MAST3: variants seen among roughly 807,000 people sequenced by gnomAD.
MAST3 encodes microtubule associated serine/threonine kinase 3.
Under a neutral mutation model 127.0 loss-of-function variants are expected in MAST3, and 43 were observed. The ratio of observed to expected loss-of-function variants is 0.34; its 90% CI spans 0.27 to 0.44. MAST3 has a LOEUF of 0.44. MAST3 is among the 20% of genes least tolerant of loss of function. MAST3 has a pLI of 1.00. For missense variants in MAST3, 1,390 were observed against 1,919.1 expected (o/e 0.72, Z 5.15); for synonymous variants, 785 against 809.2 (o/e 0.97, Z 0.51).
Position 18,143,954 on chromosome 19 carries a change from C to T in MAST3, c.2531C>T (p.Pro844Leu). The T allele has an allele frequency of 1.2e-6, 2 of 1,605,386 alleles. No homozygotes were observed. Among genetic ancestry groups the T allele is most frequent in the Non-Finnish European group, 1.7e-6 (2 of 1,176,130 alleles). Residue 844 changes from proline (P) to leucine (L), a missense_variant, in exon 22 of 28, where the codon CCT (proline) becomes CTT (leucine). Transcript: ENST00000687212. Reference sequence around the variant, plus strand: ...AGGCCCGTCTTCATTCTAGGGGAGCCTGACCCCCCACCAGCGGCCACCCCA... The same window carrying T: ...AGGCCCGTCTTCATTCTAGGGGAGCTTGACCCCCCACCAGCGGCCACCCCA... ...PKRPVFILGE[P>L]DPPPAATPVM...
chr19:18,112,386 G>A lies in MAST3; in HGVS notation c.161+1645G>A, dbSNP rs1407480945. 6.6e-6 allele frequency among the ~76,000 whole-genome samples: 1 copy of A among 152,082 alleles called. No individual in the cohort carries two copies. Among genetic ancestry groups the A allele is most frequent in the African/African-American group, 2.4e-5 (1 of 41,404 alleles). On this transcript the variant is annotated intron_variant, in intron 3 of 27. Transcript: ENST00000687212. This position sits in a 1 kb window ranked among gnomAD's most constrained non-coding sequence, Gnocchi z 4.1. ...ATCTTGCTCTGTTGCCCAGGCTGGAGTCCAGTGGTACCATCTTGGCTCACT... is the reference window on the plus strand; with the variant it reads ...ATCTTGCTCTGTTGCCCAGGCTGGAATCCAGTGGTACCATCTTGGCTCACT...
intron 1 of MAST3, among the ~76,000 whole-genome samples, chr19:18,102,818 C>T (rs2037758817): frequency 6.6e-6 from 1 of 152,092 alleles, no homozygotes; most frequent in Non-Finnish European, 1.5e-5. Flanking sequence ...GCCTCAGCCT[C>T]CCAAAGTGCT....
Position 18,149,200 on chromosome 19 carries a change from C to T in MAST3, c.3518C>T (p.Ala1173Val), listed in dbSNP as rs2043338882. 3 of 1,525,156 alleles carry T rather than the reference C, an allele frequency of 2.0e-6. No homozygotes were observed. Among genetic ancestry groups the T allele is most frequent in the Non-Finnish European group, 2.6e-6 (3 of 1,138,712 alleles). The allele number at this position is 1,525,156 out of a possible 1,614,324, so 94.5% of individuals were successfully genotyped here. ...CGCTTATCACCCACAGATACCACTG[C>T]ATCCCCACCCAGCGCATCCCCGAGC... The part of the protein sequence containing the change: ...PAPDVPADTT[A>V]SPPSASPSSS... The change falls in exon 28 of 28, where the codon GCA becomes GTA. Residue 1173 changes from alanine (A) to valine (V), a missense_variant. Ala to Val is a moderately conservative substitution (Grantham distance 64). Transcript: ENST00000687212. This position sits in a 1 kb window ranked among gnomAD's most constrained non-coding sequence, Gnocchi z 5.9.
chr19:18,122,805 G>C (rs987631119), intron 6 of MAST3, 54 bp downstream of exon 6: 1 of 1,544,954 alleles, frequency 6.5e-7, no homozygotes, highest in South Asian at 1.2e-5. Context: ...GTTGTGGGGG[G>C]ACACATCTTT....
Position 18,139,078 on chromosome 19 carries a change from C to T in MAST3, c.2159C>T (p.Ser720Phe). Residue 720 changes from serine (S) to phenylalanine (F), a missense_variant, in exon 20 of 28, where the codon TCC becomes TTC. Ser to Phe is a radical substitution (Grantham distance 155, BLOSUM62 -2). Coordinates refer to ENST00000687212, the MANE Select transcript of MAST3 (RefSeq NM_001393504.1). ...EDDETNDEESSTEIPQFSSCS... is the reference protein window; with the variant it reads ...EDDETNDEESFTEIPQFSSCS... ...GACGAGACCAATGATGAAGAATCGT[C>T]CACAGAGATCCCCCAGTTCTCCTCC... The T allele has an allele frequency of 6.2e-7, 1 of 1,605,080 alleles. No individual in the cohort carries two copies. Among genetic ancestry groups the T allele is most frequent in the Non-Finnish European group, 8.5e-7 (1 of 1,175,986 alleles).
chr19:18,108,856 C>T (rs1325284026), intron 2 of MAST3, among the ~76,000 whole-genome samples: 1 of 152,140 alleles, frequency 6.6e-6, no homozygotes, highest in African/African-American at 2.4e-5. Context: ...GTGGGAATCA[C>T]TCAATGAACA....
intron 1 of MAST3, among the ~76,000 whole-genome samples, chr19:18,100,323 G>A (rs11667112): frequency 0.38 from 56,696 of 150,708 alleles, 11,020 homozygotes; most frequent in Admixed American, 0.43. Flanking sequence ...ACGGGGTTTC[G>A]CCATGTTGGC....
intron 1 of MAST3, among the ~76,000 whole-genome samples, chr19:18,104,693 C>T (rs2037930022): frequency 6.6e-6 from 1 of 152,010 alleles, no homozygotes; most frequent in Non-Finnish European, 1.5e-5. Context: ...AGTTTCCTGC[C>T]TCTCACTCCA....
At chr19:18,102,270 C>T (rs1029640914) in intron 1 of MAST3, among the ~76,000 whole-genome samples, 7 of 151,892 alleles carry the variant, frequency 4.6e-5, no homozygotes, top group African/African-American at 1.7e-4. Context: ...AACCTCTGCC[C>T]CCGAGTTCAA....
At position 18,097,875 on chromosome 19, in the gene MAST3, A is replaced by C. The variant is rs1479422107; in HGVS notation, c.39+44A>C. On this transcript the variant is annotated intron_variant, in intron 1 of 27. Coordinates refer to ENST00000687212, the MANE Select transcript of MAST3 (RefSeq NM_001393504.1). ...CGGGCGGAAGGCAGAGGGCGCGGCC[A>C]AGTGGACGCGGCCTGAAAGGTGCCG... The C allele has an allele frequency of 4.1e-6, 5 of 1,218,846 alleles. No individual in the cohort carries two copies. The East Asian group carries it at 1.6e-4, about 39-fold the overall frequency. 75.5% of individuals were successfully genotyped at this position (1,218,846 alleles called of 1,614,324 possible).
intron 15 of MAST3, among the ~76,000 whole-genome samples, chr19:18,133,850 G>A (rs963354959): frequency 6.6e-6 from 1 of 151,904 alleles, no homozygotes; most frequent in Non-Finnish European, 1.5e-5. Flanking sequence ...CACTGCGCCC[G>A]GCAAATGAAC....
chr19:18,136,330 C>T (rs886983883), intron 18 of MAST3, among the ~76,000 whole-genome samples: 8 of 152,164 alleles, frequency 5.3e-5, no homozygotes, highest in African/African-American at 1.7e-4. Flanking sequence ...AGGAGGCCCT[C>T]GTAAGGCTCT....
chr19:18,109,495 A>G (rs1458177452), intron 2 of MAST3, among the ~76,000 whole-genome samples: 2 of 152,190 alleles, frequency 1.3e-5, no homozygotes, highest in Non-Finnish European at 1.5e-5. Flanking sequence ...AGACTCCACA[A>G]GGGATGTCCA....
At chr19:18,129,021 C>T in intron 13 of MAST3, 70 bp downstream of exon 13, 3 of 1,299,068 alleles carry the variant, frequency 2.3e-6, no homozygotes, top group Non-Finnish European at 3.3e-6. Flanking sequence ...CCAGGCAGCT[C>T]CTGCATCCCC....
chr19:18,121,625 C>T, intron 3 of MAST3, 60 bp from the exon 4 acceptor site: 2 of 1,392,606 alleles, frequency 1.4e-6, no homozygotes, highest in Non-Finnish European at 2.0e-6. Flanking sequence ...TTAGGCTGGG[C>T]AGGTGGCTTA....
chr19:18,141,818 A>G, intron 20 of MAST3, 64 bp from the exon 21 acceptor site: 1 of 1,265,402 alleles, frequency 7.9e-7, no homozygotes. Context: ...GGCCTCTGAA[A>G]GTGCTGGGAT....
intron 6 of MAST3, 27 bp from the exon 7 acceptor site, chr19:18,123,190 G>A: frequency 1.2e-6 from 2 of 1,612,324 alleles, no homozygotes; most frequent in Non-Finnish European, 1.7e-6. Flanking sequence ...TGAACTCATG[G>A]CTCTGATCCC....
intron 3 of MAST3, among the ~76,000 whole-genome samples, chr19:18,121,426 GGGTTACTGGCGTGA>G (rs1360522106): frequency 2.6e-5 from 4 of 152,206 alleles, no homozygotes; most frequent in Non-Finnish European, 5.9e-5. Context: ...CAAAGCACTG[GGGTTACTGGCGTGA>G]GCCACCATGC....
intron 1 of MAST3, among the ~76,000 whole-genome samples, chr19:18,100,544 T>TAG (rs1286166917): frequency 2.0e-5 from 3 of 152,110 alleles, no homozygotes; most frequent in African/African-American, 7.2e-5. Flanking sequence ...AATAAAATAA[T>TAG]AGTAAAGTGG....
Sources: gnomAD v4.1 joint callset for allele counts (sites outside exome capture counted in the v4.1 genomes callset) on GRCh38, gnomAD v4.1.1 for gene constraint, Gnocchi (gnomAD v3.1) non-coding constraint, MANE v1.5 for transcripts, NCBI Gene and HGNC (gene_info 2026-07-23, HGNC 2026-07-21) for gene names.